Variants in NKTR observed in about 807,000 individuals in gnomAD.
NKTR encodes NK-tumor recognition protein.
A neutral mutation model predicts 156.3 loss-of-function variants in NKTR; 67 were observed. The ratio of observed to expected loss-of-function variants is 0.43; its 90% CI spans 0.35 to 0.53. The LOEUF (loss-of-function observed/expected upper bound fraction) is 0.53, where lower values mean the gene tolerates loss of function less well. Among genes scored for constraint, NKTR ranks in the 20% least tolerant of loss-of-function variants. NKTR has a pLI of 0.01. For missense variants in NKTR, 1,604 were observed against 1,730.9 expected (o/e 0.93, Z 1.30); for synonymous variants, 640 against 596.6 (o/e 1.07, Z -1.06).
chr3:42,624,290 T>A (rs1429389087), intron 6 of NKTR, among the ~76,000 whole-genome samples: 1 of 152,032 alleles, frequency 6.6e-6, no homozygotes, highest in African/African-American at 2.4e-5. Context: ...GGAATAGTAC[T>A]GCTCAAGAAA....
chr3:42,609,973 C>A (rs612733), intron 2 of NKTR, among the ~76,000 whole-genome samples: 70,374 of 151,880 alleles, frequency 0.46, 18,888 homozygotes, highest in African/African-American at 0.74. Context: ...TAAATCTCTC[C>A]TATTGTCCTC....
chr3:42,638,622 A>G lies in NKTR; in HGVS notation c.2918A>G (p.Lys973Arg). 1 of 1,613,538 alleles carries G rather than the reference A, an allele frequency of 6.2e-7. No individual in the cohort carries two copies. The highest frequency in any genetic ancestry group is 8.5e-7 in the Non-Finnish European group (1 of 1,179,904). Residue 973 changes from lysine (K) to arginine (R), a missense_variant, in exon 13 of 17, where the codon AAG (lysine) becomes AGG (arginine). Coordinates refer to ENST00000232978, the MANE Select transcript of NKTR (RefSeq NM_005385.4). ...TCCAATTCGGAAAACAATAGGGGAA[A>G]GCCACAAAAGCACAAACATGGGTCA... ...SCSNSENNRGKPQKHKHGSKE... is the reference protein window; with the variant it reads ...SCSNSENNRGRPQKHKHGSKE...
At position 42,619,440 on chromosome 3, in the gene NKTR, G is replaced by A. The variant is rs925644846; in HGVS notation, c.242-224G>A. 55 of 1,367,660 alleles carry A rather than the reference G, an allele frequency of 4.0e-5. No homozygotes were observed. In the Middle Eastern group the frequency reaches 8.0e-4, roughly 20 times the overall value. The allele number at this position is 1,367,660 out of a possible 1,614,324, so 84.7% of individuals were successfully genotyped here. On this transcript the variant is annotated intron_variant, in intron 4 of 16. Transcript: ENST00000232978. ...AATGTTTTTGGTGTTATTACTGTTT[G>A]AAATAAGTAGGTTGTGAAGATGACT...
At chr3:42,641,332 C>T (rs886109151) in intron 13 of NKTR, among the ~76,000 whole-genome samples, 1 of 152,120 alleles carries the variant, frequency 6.6e-6, no homozygotes, top group Non-Finnish European at 1.5e-5. Context: ...CAGGTCATGT[C>T]TTCCAAAACA....
At position 42,638,584 on chromosome 3, in the gene NKTR, T is replaced by A; in HGVS notation, c.2880T>A (p.Ser960=). Residue 960 remains serine (S), a synonymous_variant, in exon 13 of 17, where the codon TCT becomes TCA. Coordinates refer to ENST00000232978, the MANE Select transcript of NKTR (RefSeq NM_005385.4). ...SSKQRTSTSD[S]EGSCSNSENN... The stretch of plus-strand genomic sequence containing the variant: ...AACAGCGCACATCAACTTCTGACTC[T>A]GAGGGGTCCTGTTCCAATTCGGAAA... 1 of 1,614,064 alleles carries A rather than the reference T, an allele frequency of 6.2e-7. No homozygotes were observed. Among genetic ancestry groups the A allele is most frequent in the Non-Finnish European group, 8.5e-7 (1 of 1,180,004 alleles).
Position 42,643,944 on chromosome 3 carries a change from A to T in NKTR, c.4242A>T (p.Arg1414=). The part of the protein sequence containing the change: ...YDSYYSRSRS[R]SRSQRSDSYH... ...GCTACTATAGCAGGAGTCGGAGTCGAAGTAGAAGCCAGAGAAGTGACAGTT... is the reference window on the plus strand; with the variant it reads ...GCTACTATAGCAGGAGTCGGAGTCGTAGTAGAAGCCAGAGAAGTGACAGTT... The change falls in exon 16 of 17, where the codon CGA becomes CGT. Residue 1414 remains arginine (R), a synonymous_variant. Transcript: ENST00000232978. The T allele has an allele frequency of 6.2e-7, 1 of 1,614,016 alleles. No individual in the cohort carries two copies. Among genetic ancestry groups the T allele is most frequent in the Non-Finnish European group, 8.5e-7 (1 of 1,179,944 alleles).
intron 13 of NKTR, among the ~76,000 whole-genome samples, chr3:42,641,576 T>G (rs1559594153): frequency 6.6e-6 from 1 of 152,188 alleles, no homozygotes; most frequent in East Asian, 1.9e-4. Context: ...ACCTGCCATC[T>G]AGCTTAAAAA....
chr3:42,612,197 A>G (rs995654663), intron 2 of NKTR: 1 of 152,184 alleles, frequency 6.6e-6, no homozygotes, highest in Non-Finnish European at 1.5e-5. Context: ...ATAATCTACC[A>G]TTTTTTAAAG....
intron 9 of NKTR, 187 bp from the exon 10 acceptor site, chr3:42,633,393 C>A (rs1433675149): frequency 2.2e-6 from 3 of 1,360,458 alleles, no homozygotes; most frequent in Non-Finnish European, 2.8e-6. Context: ...ATTTTCCTAT[C>A]AAAATTCTAG....
At chr3:42,630,411 ATCATGT>A (rs761279950) in intron 6 of NKTR, 129 bp from the exon 7 acceptor site, 6 of 1,504,368 alleles carry the variant, frequency 4.0e-6, no homozygotes, top group Non-Finnish European at 5.3e-6. Flanking sequence ...TTAGATATAT[ATCATGT>A]TTAACTTTTT....
chr3:42,631,836 T>C (rs1452181929), intron 8 of NKTR, among the ~76,000 whole-genome samples: 1 of 152,200 alleles, frequency 6.6e-6, no homozygotes, highest in Non-Finnish European at 1.5e-5. Flanking sequence ...TTCATTGCCT[T>C]CCAGGCACAT....
Position 42,637,914 on chromosome 3 carries a change from A to T in NKTR, c.2210A>T (p.Gln737Leu), listed in dbSNP as rs1466743956. ...HSRNKYSDHSQCSRSSSYTSI... is the reference protein window; with the variant it reads ...HSRNKYSDHSLCSRSSSYTSI... The stretch of plus-strand genomic sequence containing the variant: ...CGAAATAAATACAGTGATCATTCAC[A>T]GTGTAGTAGATCATCTTCATATACT... The change falls in exon 13 of 17, where the codon CAG becomes CTG. Residue 737 changes from glutamine (Q) to leucine (L), a missense_variant. Physicochemically the swap from Gln to Leu is moderately radical, Grantham distance 113. This residue lies in a region of NKTR where 1,255 missense variants were observed against 1,243.7 expected (regional missense o/e 1.01). Coordinates refer to ENST00000232978, the MANE Select transcript of NKTR (RefSeq NM_005385.4). The T allele has an allele frequency of 1.9e-6, 3 of 1,613,974 alleles. No homozygotes were observed.
At position 42,639,289 on chromosome 3, in the gene NKTR, C is replaced by G. The variant is rs1159910051; in HGVS notation, c.3585C>G (p.Asp1195Glu). 6.2e-7 allele frequency: 1 copy of G among 1,614,014 alleles called. No individual in the cohort carries two copies. Among genetic ancestry groups the G allele is most frequent in the South Asian group, 1.1e-5 (1 of 91,090 alleles). ...SKVLGEVGKQDSSSASLASAG... is the reference protein window; with the variant it reads ...SKVLGEVGKQESSSASLASAG... The stretch of plus-strand genomic sequence containing the variant: ...TGTTGGGTGAAGTGGGGAAACAGGA[C>G]AGCAGCTCTGCTAGCTTGGCTAGTG... The change falls in exon 13 of 17, where the codon GAC becomes GAG. Residue 1195 changes from aspartate (D) to glutamate (E), a missense_variant. Asp to Glu is a conservative substitution (Grantham distance 45). Coordinates refer to ENST00000232978, the MANE Select transcript of NKTR (RefSeq NM_005385.4).
In NKTR at chr3:42,638,671, C is replaced by T. The variant is rs1709631898; in HGVS notation, c.2967C>T (p.His989=). Residue 989 remains histidine (H), a synonymous_variant, in exon 13 of 17, where the codon CAC becomes CAT. Transcript: ENST00000232978. ...CAAAGGAAAATCTTAAAAGAGAACA[C>T]ACCAAAAAAGTGAAAGAGAAATTGA... The part of the protein sequence containing the change: ...HGSKENLKRE[H]TKKVKEKLKG... 3 of 1,610,584 alleles carry T rather than the reference C, an allele frequency of 1.9e-6. No homozygotes were observed. The Admixed American group carries it at 5.1e-5, about 27-fold the overall frequency.
intron 2 of NKTR, among the ~76,000 whole-genome samples, chr3:42,614,552 T>A (rs1401200873): frequency 6.6e-6 from 1 of 152,192 alleles, no homozygotes; most frequent in Non-Finnish European, 1.5e-5. Flanking sequence ...AAAAAATATT[T>A]GTTGAAAACC....
Position 42,645,872 on chromosome 3 carries a change from T to C in NKTR, c.4302-16T>C. 1.9e-6 allele frequency: 3 copies of C among 1,563,470 alleles called. No homozygotes were observed. The highest frequency in any genetic ancestry group is 2.6e-6 in the Non-Finnish European group (3 of 1,142,322). ...ACAGTTACAAGATTTTTATATATTT[T>C]GTTTTGTTATTACAGGAGTTGTAGA... On this transcript the variant is annotated splice_polypyrimidine_tract_variant and intron_variant, in intron 16 of 16. Coordinates refer to ENST00000232978, the MANE Select transcript of NKTR (RefSeq NM_005385.4).
intron 6 of NKTR, chr3:42,627,848 A>C: frequency 1.0e-6 from 1 of 985,396 alleles, no homozygotes; most frequent in South Asian, 4.7e-5. Context: ...ACCATTGCAC[A>C]GCTCTTTAAA....
In NKTR at chr3:42,639,682, A is replaced by C; in HGVS notation, c.3978A>C (p.Arg1326Ser). The part of the protein sequence containing the change: ...RSRSKSETKS[R>S]HRTRSVSYSH... ...GAAGTAAATCTGAAACCAAATCAAG[A>C]CACAGAACAAGGTCTGTCTCCTATA... The change falls in exon 13 of 17, where the codon AGA becomes AGC. Residue 1326 changes from arginine (R) to serine (S), a missense_variant. Transcript: ENST00000232978. 6.2e-7 allele frequency: 1 copy of C among 1,614,014 alleles called. No homozygotes were observed. The highest frequency in any genetic ancestry group is 8.5e-7 in the Non-Finnish European group (1 of 1,179,912).
At chr3:42,613,764 T>C (rs1406723463) in intron 2 of NKTR, among the ~76,000 whole-genome samples, 1 of 152,192 alleles carries the variant, frequency 6.6e-6, no homozygotes, top group Non-Finnish European at 1.5e-5. Flanking sequence ...GCTTAACATG[T>C]GTTGATATTA....
Sources: allele counts gnomAD v4.1 joint callset (sites outside exome capture counted in the v4.1 genomes callset), GRCh38; gene constraint gnomAD v4.1.1; regional missense constraint gnomAD v4.1.1; transcripts MANE v1.5; gene names NCBI Gene and HGNC (gene_info 2026-07-23, HGNC 2026-07-21).